The following KLHL28 variants were observed in gnomAD, a reference collection of about 807,000 sequenced individuals.
KLHL28 encodes the protein kelch like family member 28.
In KLHL28, 22 loss-of-function variants were observed where a neutral mutation model predicts 48.3. The ratio of observed to expected loss-of-function variants is 0.46; its 90% confidence interval spans 0.33 to 0.65. The LOEUF is 0.65. Ranked by LOEUF, KLHL28 falls within the 30% of genes least tolerant of loss-of-function variation. KLHL28 has a pLI of 0.03. For missense variants in KLHL28, 527 were observed against 704.3 expected, an observed-to-expected ratio of 0.75 and a Z score of 2.85; for synonymous variants, 243 against 242.4, an observed-to-expected ratio of 1.00 and a Z score of -0.02.
chr14:44,929,046 A>C lies in KLHL28; in HGVS notation c.1698T>G (p.Phe566Leu). Residue 566 changes from phenylalanine to leucine, a missense_variant, in exon 5 of 5, where the codon TTT becomes TTG. Phe to Leu is a conservative substitution (Grantham distance 22). Coordinates refer to ENST00000396128, the MANE Select transcript of KLHL28 (RefSeq NM_017658.5). ...ACATTTGTCAAAGTGCAGTTAACCC[A>C]AAGTTGCAGCGACAGTATATCATGC... ...SAGMIYCRCNFGLTAL is the reference protein window; with the variant it reads ...SAGMIYCRCNLGLTAL 1 of 1,614,000 alleles carries C rather than the reference A, an allele frequency of 6.2e-7. No homozygotes were observed. Among genetic ancestry groups the C allele is most frequent in the South Asian group, 1.1e-5 (1 of 91,076 alleles).
At chr14:44,957,507 A>G (rs981145867) in intron 1 of KLHL28, among the ~76,000 whole-genome samples, 1 of 152,208 alleles carries the variant, frequency 6.6e-6, no homozygotes, top group African/African-American at 2.4e-5. Context: ...CTGCCAAACA[A>G]TGTTGAGCTG....
At chr14:44,929,337 C>G (rs1312470206) in intron 4 of KLHL28, 146 bp from the exon 5 acceptor site, 1 of 719,622 alleles carries the variant, frequency 1.4e-6, no homozygotes, top group Non-Finnish European at 2.1e-6. Context: ...TACAGTAGTC[C>G]TCCCTTTATC....
intron 3 of KLHL28, among the ~76,000 whole-genome samples, chr14:44,932,283 C>T (rs1242142324): frequency 1.3e-5 from 2 of 149,480 alleles, no homozygotes; most frequent in Non-Finnish European, 3.0e-5. Flanking sequence ...TATTTTTTTT[C>T]GTCACAGGAG....
chr14:44,957,360 G>C (rs1215122633), intron 1 of KLHL28, among the ~76,000 whole-genome samples: 1 of 152,144 alleles, frequency 6.6e-6, no homozygotes, highest in Non-Finnish European at 1.5e-5. Flanking sequence ...TTTTGAATAA[G>C]ACAGTTTTAG....
chr14:44,931,101 A>C (rs913148073), intron 4 of KLHL28, among the ~76,000 whole-genome samples: 4 of 152,210 alleles, frequency 2.6e-5, no homozygotes, highest in Non-Finnish European at 5.9e-5. Context: ...AAATGTATTC[A>C]GCAAGTTTGA....
At chr14:44,950,790 C>T (rs774374029) in intron 1 of KLHL28, among the ~76,000 whole-genome samples, 1 of 152,116 alleles carries the variant, frequency 6.6e-6, no homozygotes, top group Admixed American at 6.6e-5. Flanking sequence ...AATTGGTAGA[C>T]GTTATTTATT....
At chr14:44,934,698 A>T (rs756486383) in intron 2 of KLHL28, 140 bp from the exon 3 acceptor site, 1 of 604,854 alleles carries the variant, frequency 1.7e-6, no homozygotes, top group Non-Finnish European at 2.8e-6. Context: ...AGTGGCAAAA[A>T]ATATAAAGTC....
At chr14:44,949,813 T>C (rs570471547) in intron 1 of KLHL28, among the ~76,000 whole-genome samples, 1 of 152,276 alleles carries the variant, frequency 6.6e-6, no homozygotes, top group South Asian at 2.1e-4. Context: ...GGGATTTTAA[T>C]TGCAGTACTA....
rs551712211 is a variant in KLHL28, at chr14:44,944,228, G to C, written c.899+802C>G. The stretch of plus-strand genomic sequence containing the variant: ...AATGTATAAAAGTTACTAGTATAAT[G>C]CACCAAATTAAGGGTTGGCAAGCTA... On this transcript the variant is annotated intron_variant, in intron 2 of 4. Transcript: ENST00000396128. Among the ~76,000 whole-genome samples the C allele has an allele frequency of 5.8e-4, 89 of 152,162 alleles. 1 individual carries two copies. The highest frequency in any genetic ancestry group is 1.1e-3 in the Non-Finnish European group (72 of 68,038).
intron 2 of KLHL28, among the ~76,000 whole-genome samples, chr14:44,944,313 C>T (rs1322503099): frequency 2.0e-5 from 3 of 152,174 alleles, no homozygotes; most frequent in East Asian, 3.8e-4. Context: ...TATTGGAACA[C>T]ATCCATGTTC....
At chr14:44,933,630 C>G (rs1032111437) in intron 3 of KLHL28, among the ~76,000 whole-genome samples, 1 of 152,034 alleles carries the variant, frequency 6.6e-6, no homozygotes, top group African/African-American at 2.4e-5. Flanking sequence ...AATTCAAACT[C>G]CAGCACAAGT....
chr14:44,935,473 ATAAAG>A (rs1410948353), intron 2 of KLHL28, among the ~76,000 whole-genome samples: 1 of 152,164 alleles, frequency 6.6e-6, no homozygotes, highest in Admixed American at 6.6e-5. Context: ...TTGTAGAAAG[ATAAAG>A]TATATTATGC....
At chr14:44,957,481 A>G (rs188798048) in intron 1 of KLHL28, among the ~76,000 whole-genome samples, 20 of 152,350 alleles carry the variant, frequency 1.3e-4, no homozygotes, top group African/African-American at 4.6e-4. Flanking sequence ...TCTACACATT[A>G]CATACAAAAA....
intron 1 of KLHL28, chr14:44,960,896 A>T (rs1885041715): frequency 6.5e-7 from 1 of 1,539,400 alleles, no homozygotes; most frequent in Non-Finnish European, 8.8e-7. Context: ...CCTGGTACAG[A>T]GCAGGGTAGG....
Position 44,926,007 on chromosome 14 carries a change from T to C in KLHL28, c.*3021A>G, listed in dbSNP as rs1480044846. ...TAGCTTTTCTCTTCTTGCCTGAATA[T>C]GTAAAATTATTTCTAATACTTTTAA... On this transcript the variant is annotated 3_prime_UTR_variant, in exon 5 of 5. Coordinates refer to ENST00000396128, the MANE Select transcript of KLHL28 (RefSeq NM_017658.5). 2 of 152,236 alleles carry C rather than the reference T, an allele frequency of 1.3e-5. No individual in the cohort carries two copies. Among genetic ancestry groups the C allele is most frequent in the African/African-American group, 4.8e-5 (2 of 41,480 alleles). 9.4% of individuals were successfully genotyped at this position (152,236 alleles called of 1,614,324 possible).
In KLHL28 at chr14:44,933,203, C is replaced by T. The variant is rs926608570; in HGVS notation, c.1343+912G>A. On this transcript the variant is annotated intron_variant, in intron 3 of 4. Transcript: ENST00000396128. ...TGGATGGATCTGTGGATGTAGAACC[C>T]GTGGATATGGAGGGCTGACTGTATG... Among the ~76,000 whole-genome samples the T allele has an allele frequency of 5.3e-5, 8 of 151,896 alleles. No individual in the cohort carries two copies. In the East Asian group the frequency reaches 9.7e-4, roughly 18 times the overall value.
intron 4 of KLHL28, 116 bp from the exon 5 acceptor site, chr14:44,929,307 TATTA>T (rs1883487769): frequency 2.1e-6 from 2 of 958,844 alleles, no homozygotes; most frequent in East Asian, 5.4e-5. Flanking sequence ...AACAATCTAT[TATTA>T]ATTATACAGG....
intron 1 of KLHL28, among the ~76,000 whole-genome samples, chr14:44,955,676 C>A (rs1307788317): frequency 6.6e-6 from 1 of 152,126 alleles, no homozygotes; most frequent in African/African-American, 2.4e-5. Flanking sequence ...GTCTCAGCTA[C>A]TTGGGGGGCT....
chr14:44,958,979 A>G (rs929871047), intron 1 of KLHL28, among the ~76,000 whole-genome samples: 2 of 152,040 alleles, frequency 1.3e-5, no homozygotes, highest in Non-Finnish European at 2.9e-5. Context: ...TTAACTTATT[A>G]AAGTGTTACC....
Sources: allele counts gnomAD v4.1 joint callset (sites outside exome capture counted in the v4.1 genomes callset), GRCh38; gene constraint gnomAD v4.1.1; transcripts MANE v1.5; gene names NCBI Gene and HGNC (gene_info 2026-07-23, HGNC 2026-07-21).